Variants in CDH26 observed in about 807,000 individuals in gnomAD.
CDH26 encodes the protein cadherin 26, also known as cadherin-like protein 26.
A neutral mutation model predicts 90.3 loss-of-function variants in CDH26; 83 were observed. The observed-to-expected ratio is 0.92, with a 90% confidence interval of 0.77 to 1.10. CDH26 has a LOEUF of 1.10. Ranked by LOEUF, CDH26 falls within the 50% of genes least tolerant of loss-of-function variation. The pLI, the probability that CDH26 is intolerant of heterozygous loss-of-function variation, is 0.00. For synonymous variants in CDH26, 397 were observed against 396.3 expected (o/e 1.00, Z -0.02); for missense variants, 1,013 against 1,037.6 (o/e 0.98, Z 0.33).
Position 59,992,310 on chromosome 20 carries a change from TGCAAC to T in CDH26, c.1284-67_1284-63del. ...TTCTATGACATATTTTGTTTTTTTA[TGCAAC>T]TTTTTTATCTTTTAATGTAAGTTTT... On this transcript the variant is annotated intron_variant, in intron 9 of 17. Coordinates refer to ENST00000348616, the MANE Select transcript of CDH26 (RefSeq NM_177980.4). This position sits in a 1 kb window ranked among gnomAD's most constrained non-coding sequence, Gnocchi z 5.0. 6.7e-7 allele frequency: 1 copy of T among 1,499,176 alleles called. No individual in the cohort carries two copies. The highest frequency in any genetic ancestry group is 2.2e-5 in the Admixed American group (1 of 45,132). The allele number at this position is 1,499,176 out of a possible 1,614,324, so 92.9% of individuals were successfully genotyped here.
Position 59,984,672 on chromosome 20 carries a change from T to C in CDH26, c.575T>C (p.Leu192Ser), listed in dbSNP as rs780572708. The C allele has an allele frequency of 5.0e-6, 8 of 1,612,870 alleles. No homozygotes were observed. The South Asian group carries it at 6.6e-5, about 13-fold the overall frequency. Residue 192 changes from leucine (L) to serine (S), a missense_variant, in exon 6 of 18, where the codon TTG becomes TCG. By Grantham distance (145) the Leu-to-Ser change is moderately radical. Coordinates refer to ENST00000348616, the MANE Select transcript of CDH26 (RefSeq NM_177980.4). ...ATTTTTCAGATGTTAGCAGTCGATT[T>C]GGATGAAGAAAACACTCCAAATTCT... ...QPIFQMLAVD[L>S]DEENTPNSQV...
At chr20:59,967,197 A>G (rs941171112) in intron 1 of CDH26, among the ~76,000 whole-genome samples, 8 of 152,158 alleles carry the variant, frequency 5.3e-5, no homozygotes, top group Admixed American at 3.9e-4. Flanking sequence ...GAGATGAGGG[A>G]GGGGTACACA....
chr20:59,972,312 T>C (rs554846039), intron 4 of CDH26, among the ~76,000 whole-genome samples, 189 bp downstream of exon 4: 1 of 152,320 alleles, frequency 6.6e-6, no homozygotes, highest in East Asian at 1.9e-4. Context: ...ACTTTGGCTT[T>C]GTAATGATTT....
At chr20:60,010,655 G>A (rs2061824104) in intron 17 of CDH26, among the ~76,000 whole-genome samples, 2 of 152,218 alleles carry the variant, frequency 1.3e-5, no homozygotes, top group Admixed American at 1.3e-4. Flanking sequence ...GGAATGAGCA[G>A]ATATGAAGCC....
intron 7 of CDH26, among the ~76,000 whole-genome samples, chr20:59,985,574 G>A (rs1188551245): frequency 6.6e-6 from 1 of 152,066 alleles, no homozygotes; most frequent in Non-Finnish European, 1.5e-5. Context: ...TCTGCCCCAC[G>A]ATCCAAACAC....
At chr20:59,971,920 C>A in intron 3 of CDH26, 42 bp from the exon 4 acceptor site, 1 of 1,546,600 alleles carries the variant, frequency 6.5e-7, no homozygotes, top group African/African-American at 1.4e-5. Context: ...GTGGCTTATT[C>A]TCATCCTCCT....
intron 7 of CDH26, among the ~76,000 whole-genome samples, chr20:60,029,544 T>C (rs2146035303): frequency 6.6e-6 from 1 of 152,322 alleles, no homozygotes; most frequent in East Asian, 1.9e-4. Context: ...GGTATACATA[T>C]GCCATGGTGG....
At chr20:60,033,843 A>T in exon 9 of CDH26, 1 of 1,037,664 alleles carries the variant, frequency 9.6e-7, no homozygotes, top group Non-Finnish European at 1.2e-6. Context: ...CCCTGGTCAT[A>T]AATAACTTTT....
chr20:59,967,812 CATTT>C (rs1333434856), intron 1 of CDH26, among the ~76,000 whole-genome samples: 5 of 86,938 alleles, frequency 5.8e-5, no homozygotes, highest in Non-Finnish European at 1.0e-4. Context: ...CTCCCTCCCT[CATTT>C]CTTTCTTTCT....
rs116245563 is a variant in CDH26, at chr20:60,004,847, T to C, written c.2221-1866T>C. Among the ~76,000 whole-genome samples the C allele has an allele frequency of 7.7e-3, 1,168 of 151,596 alleles. 12 individuals are homozygous for C. Among genetic ancestry groups the C allele is most frequent in the African/African-American group, 0.027 (1,101 of 41,262 alleles). ...GTAAAAATACAGCATTACAGTCTTA[T>C]GGGACCAGCTTTATATATACGGCCT... is the stretch of plus-strand genomic sequence containing the variant. On this transcript the variant is annotated intron_variant, in intron 16 of 17. Coordinates refer to ENST00000348616, the MANE Select transcript of CDH26 (RefSeq NM_177980.4).
In CDH26 at chr20:59,970,112, A is replaced by G; in HGVS notation, c.157A>G (p.Lys53Glu). ...EKIYQPLRRS[K>E]RRWVITTLEL... ...GATCTACCAGCCTCTACGGCGATCCAAGAGAAGATGGGTTATCACCACCTT... is the reference window on the plus strand; with the variant it reads ...GATCTACCAGCCTCTACGGCGATCCGAGAGAAGATGGGTTATCACCACCTT... The change falls in exon 3 of 18, where the codon AAG (lysine) becomes GAG (glutamate). Residue 53 changes from lysine (K) to glutamate (E), a missense_variant. Physicochemically the swap from Lys to Glu is moderately conservative, Grantham distance 56. Coordinates refer to ENST00000348616, the MANE Select transcript of CDH26 (RefSeq NM_177980.4). 1 of 1,614,048 alleles carries G rather than the reference A, an allele frequency of 6.2e-7. No homozygotes were observed. Among genetic ancestry groups the G allele is most frequent in the Non-Finnish European group, 8.5e-7 (1 of 1,179,952 alleles).
At chr20:60,004,461 G>C (rs921064863) in intron 16 of CDH26, among the ~76,000 whole-genome samples, 1 of 152,058 alleles carries the variant, frequency 6.6e-6, no homozygotes, top group Non-Finnish European at 1.5e-5. Flanking sequence ...GAACACAATG[G>C]TGTTTGTGTA....
At chr20:59,984,076 T>C (rs1278994197) in intron 5 of CDH26, among the ~76,000 whole-genome samples, 1 of 152,250 alleles carries the variant, frequency 6.6e-6, no homozygotes, top group African/African-American at 2.4e-5. Flanking sequence ...GTAGACTTGC[T>C]GGTTTGCACT....
At chr20:59,970,246 T>C in intron 3 of CDH26, 60 bp downstream of exon 3, 1 of 1,587,434 alleles carries the variant, frequency 6.3e-7, no homozygotes, top group African/African-American at 1.4e-5. Context: ...CACGCCCCTT[T>C]GGCCAGGAAG....
intron 15 of CDH26, 149 bp downstream of exon 15, chr20:60,001,560 C>T (rs2061677462): frequency 2.1e-6 from 3 of 1,418,354 alleles, no homozygotes; most frequent in Non-Finnish European, 1.8e-6. Flanking sequence ...GGGCTTTTTC[C>T]ACCCGACTCT....
At chr20:59,984,975 T>C in intron 6 of CDH26, 26 bp from the exon 7 acceptor site, 1 of 1,608,146 alleles carries the variant, frequency 6.2e-7, no homozygotes, top group Non-Finnish European at 8.5e-7. Flanking sequence ...TTTGAGGGGC[T>C]TAACTTTCCT....
At chr20:59,978,689 A>C (rs2061355142) in intron 4 of CDH26, among the ~76,000 whole-genome samples, 1 of 152,088 alleles carries the variant, frequency 6.6e-6, no homozygotes. Context: ...TTTACTTTTT[A>C]CATATAAAAT....
At chr20:59,993,950 C>T (rs6071066) in intron 10 of CDH26, among the ~76,000 whole-genome samples, 2,009 of 152,234 alleles carry the variant, frequency 0.013, 21 homozygotes, top group South Asian at 0.021. Context: ...TCCTCCACCC[C>T]ACCCATCCTT....
chr20:60,005,126 T>A (rs1337076440), intron 16 of CDH26, among the ~76,000 whole-genome samples: 1 of 152,160 alleles, frequency 6.6e-6, no homozygotes, highest in Non-Finnish European at 1.5e-5. Context: ...TAATGAATAG[T>A]GAATATATTT....
Sources: gnomAD v4.1 joint callset for allele counts (sites outside exome capture counted in the v4.1 genomes callset) on GRCh38, gnomAD v4.1.1 for gene constraint, Gnocchi (gnomAD v3.1) non-coding constraint, MANE v1.5 for transcripts, NCBI Gene and HGNC (gene_info 2026-07-23, HGNC 2026-07-21) for gene names.